The following LIMCH1 variants were observed in gnomAD, a reference collection of about 807,000 sequenced individuals.
LIMCH1 encodes the protein LIM and calponin homology domains 1.
Under a neutral mutation model 176.5 loss-of-function variants are expected in LIMCH1, and 113 were observed. That is an observed-to-expected ratio of 0.64 (90% CI 0.55 to 0.75). The LOEUF (loss-of-function observed/expected upper bound fraction) is 0.75, where lower values mean the gene tolerates loss of function less well. Ranked by LOEUF, LIMCH1 falls within the 30% of genes least tolerant of loss-of-function variation. The pLI is 0.00. For missense variants in LIMCH1, 1,674 were observed against 1,814.9 expected, an observed-to-expected ratio of 0.92 and a Z score of 1.41; for synonymous variants, 619 against 645.9, an observed-to-expected ratio of 0.96 and a Z score of 0.63.
chr4:41,457,615 C>A (rs1176987662), intron 1 of LIMCH1, among the ~76,000 whole-genome samples: 1 of 152,114 alleles, frequency 6.6e-6, no homozygotes, highest in East Asian at 1.9e-4. Flanking sequence ...TAGAGTCACT[C>A]AGTGCTGGGG....
intron 23 of LIMCH1, among the ~76,000 whole-genome samples, chr4:41,679,681 A>G (rs1268484059): frequency 6.6e-6 from 1 of 152,214 alleles, no homozygotes; most frequent in Non-Finnish European, 1.5e-5. Flanking sequence ...AAAGGGCCCA[A>G]TAAAACCAAA....
chr4:41,599,068 A>C (rs545451084), intron 2 of LIMCH1, 42 bp downstream of exon 2: 1 of 1,220,524 alleles, frequency 8.2e-7, no homozygotes, highest in South Asian at 1.2e-5. Flanking sequence ...ACTCCTTTAT[A>C]GTTTGATTTG....
chr4:41,361,159 A>C (rs1461889421), intron 1 of LIMCH1, among the ~76,000 whole-genome samples: 1 of 152,130 alleles, frequency 6.6e-6, no homozygotes, highest in Non-Finnish European at 1.5e-5. Flanking sequence ...ACTGCAGTCT[A>C]GCTGCGCGCG....
chr4:41,480,358 C>T (rs950437502), intron 1 of LIMCH1, among the ~76,000 whole-genome samples: 10 of 152,138 alleles, frequency 6.6e-5, no homozygotes, highest in Admixed American at 6.5e-4. Context: ...CCTGTAATCC[C>T]AGCACTTTGG....
At chr4:41,520,078 C>T (rs1381267843) in intron 2 of LIMCH1, among the ~76,000 whole-genome samples, 2 of 151,990 alleles carry the variant, frequency 1.3e-5, no homozygotes, top group African/African-American at 4.8e-5. Flanking sequence ...TATTTTTTAC[C>T]GATTTGCAAA....
At chr4:41,611,613 A>G (rs2091426132) in intron 4 of LIMCH1, among the ~76,000 whole-genome samples, 1 of 152,238 alleles carries the variant, frequency 6.6e-6, no homozygotes. Flanking sequence ...GACCTCAGTC[A>G]AGTTACTTAA....
At chr4:41,517,010 T>C (rs986759303) in intron 2 of LIMCH1, among the ~76,000 whole-genome samples, 1 of 152,112 alleles carries the variant, frequency 6.6e-6, no homozygotes, top group East Asian at 1.9e-4. Context: ...TAAATCTCAG[T>C]GGTGTAACAC....
At chr4:41,538,944 C>T (rs990215872) in intron 1 of LIMCH1, among the ~76,000 whole-genome samples, 1 of 152,142 alleles carries the variant, frequency 6.6e-6, no homozygotes, top group Admixed American at 6.5e-5. Flanking sequence ...CCTTCATAGT[C>T]ACTATTTACT....
intron 1 of LIMCH1, among the ~76,000 whole-genome samples, chr4:41,423,119 T>C (rs2060766438): frequency 6.6e-6 from 1 of 152,216 alleles, no homozygotes; most frequent in Non-Finnish European, 1.5e-5. Flanking sequence ...ATGAATGCCC[T>C]TCTGAGGGGA....
intron 20 of LIMCH1, 100 bp downstream of exon 20, chr4:41,663,084 A>G: frequency 9.4e-7 from 1 of 1,068,058 alleles, no homozygotes; most frequent in Non-Finnish European, 1.3e-6. Flanking sequence ...ATGAAGATTT[A>G]TTTCTCTCCT....
In LIMCH1 at chr4:41,629,543, G is replaced by A. The variant is rs1202489461; in HGVS notation, c.1080G>A (p.Arg360=). The A allele has an allele frequency of 9.1e-6, 14 of 1,535,966 alleles. No homozygotes were observed. The East Asian group carries it at 3.2e-4, about 35-fold the overall frequency. Residue 360 remains arginine (R), a synonymous_variant, in exon 9 of 32, where the codon AGG becomes AGA. Coordinates refer to ENST00000503057, the MANE Select transcript of LIMCH1 (RefSeq NM_001330672.2). The stretch of plus-strand genomic sequence containing the variant: ...AGTTGATAGTGACCTGTAACATGAG[G>A]GCTCAGGAAAGTGAACCTGTGGAAG... ...EVKLIVTCNM[R]AQESEPVEGG...
At chr4:41,458,803 T>A (rs1357198931) in intron 1 of LIMCH1, among the ~76,000 whole-genome samples, 1 of 147,990 alleles carries the variant, frequency 6.8e-6, no homozygotes, top group Non-Finnish European at 1.5e-5. Flanking sequence ...AAATAGATTG[T>A]GAGTCCTTTC....
chr4:41,484,756 C>T (rs2069222753), intron 1 of LIMCH1, among the ~76,000 whole-genome samples: 1 of 152,034 alleles, frequency 6.6e-6, no homozygotes, highest in African/African-American at 2.4e-5. Flanking sequence ...GTTCCAGTTG[C>T]TTGAATCTAG....
At chr4:41,579,287 T>C (rs2085007300) in intron 1 of LIMCH1, among the ~76,000 whole-genome samples, 1 of 152,198 alleles carries the variant, frequency 6.6e-6, no homozygotes, top group Admixed American at 6.5e-5. Flanking sequence ...GAGTCTGGCC[T>C]AGTCATTGAA....
intron 1 of LIMCH1, among the ~76,000 whole-genome samples, chr4:41,372,968 G>A (rs2054197974): frequency 6.6e-6 from 1 of 152,158 alleles, no homozygotes; most frequent in African/African-American, 2.4e-5. Context: ...CTCCGTTTGG[G>A]ACATCATTCA....
chr4:41,663,659 G>A (rs1408039053), intron 20 of LIMCH1, among the ~76,000 whole-genome samples: 4 of 151,962 alleles, frequency 2.6e-5, no homozygotes, highest in Non-Finnish European at 5.9e-5. Flanking sequence ...TTCAGGTACA[G>A]AGTCTAAAAA....
intron 1 of LIMCH1, among the ~76,000 whole-genome samples, chr4:41,589,810 C>T (rs1477753715): frequency 6.6e-6 from 1 of 152,178 alleles, no homozygotes; most frequent in Non-Finnish European, 1.5e-5. Flanking sequence ...ACATATTCTG[C>T]AGGGGCCTTG....
chr4:41,538,046 A>G (rs567681178), upstream of LIMCH1: 72 of 397,862 alleles, frequency 1.8e-4, no homozygotes, highest in African/African-American at 1.5e-3. Flanking sequence ...CAATCCTGGC[A>G]TCTCTACTTC....
chr4:41,399,743 G>A (rs1490433054), intron 1 of LIMCH1, among the ~76,000 whole-genome samples: 8 of 134,520 alleles, frequency 5.9e-5, no homozygotes, highest in Admixed American at 2.5e-4. Flanking sequence ...GCGCAGTAGC[G>A]GGATCTCGGT....
Sources: allele counts gnomAD v4.1 joint callset (sites outside exome capture counted in the v4.1 genomes callset), GRCh38; gene constraint gnomAD v4.1.1; transcripts MANE v1.5; gene names NCBI Gene and HGNC (gene_info 2026-07-23, HGNC 2026-07-21).